The following PCOLCE2 variants were observed in gnomAD, a reference collection of about 807,000 sequenced individuals.
PCOLCE2 encodes the protein procollagen C-endopeptidase enhancer 2.
In PCOLCE2, 42 loss-of-function variants were observed where a neutral mutation model predicts 47.0. The ratio of observed to expected loss-of-function variants is 0.89; its 90% CI spans 0.70 to 1.16. The LOEUF (loss-of-function observed/expected upper bound fraction) is 1.16, where lower values mean the gene tolerates loss of function less well. PCOLCE2 is among the 50% of genes most tolerant of loss of function. PCOLCE2 has a pLI of 0.00. For synonymous variants in PCOLCE2, 169 were observed against 191.7 expected, an observed-to-expected ratio of 0.88 and a Z score of 0.98; for missense variants, 500 against 526.1, an observed-to-expected ratio of 0.95 and a Z score of 0.49.
chr3:142,885,333 C>T (rs1933700847), intron 2 of PCOLCE2, among the ~76,000 whole-genome samples: 1 of 152,186 alleles, frequency 6.6e-6, no homozygotes, highest in Non-Finnish European at 1.5e-5. Context: ...GTTTAAGGAC[C>T]ACTCTGAGGC....
chr3:142,823,181 A>G (rs140683145), intron 7 of PCOLCE2, among the ~76,000 whole-genome samples: 37 of 151,238 alleles, frequency 2.4e-4, no homozygotes, highest in African/African-American at 8.6e-4. Flanking sequence ...TAATTTACTT[A>G]AGTTGAGTTA....
At chr3:142,833,960 C>T (rs1937178063) in intron 5 of PCOLCE2, among the ~76,000 whole-genome samples, 1 of 152,156 alleles carries the variant, frequency 6.6e-6, no homozygotes, top group South Asian at 2.1e-4. Context: ...TCTAATCCAT[C>T]TGTCATTGAT....
At chr3:142,819,051 T>C (rs181516712) in intron 8 of PCOLCE2, among the ~76,000 whole-genome samples, 2 of 152,254 alleles carry the variant, frequency 1.3e-5, no homozygotes, top group East Asian at 1.9e-4. Context: ...CTCTCTTATG[T>C]TGCTGTTGTC....
intron 2 of PCOLCE2, among the ~76,000 whole-genome samples, chr3:142,868,625 A>G (rs1933327050): frequency 6.6e-6 from 1 of 152,084 alleles, no homozygotes; most frequent in Admixed American, 6.5e-5. Context: ...TCCACCTTGC[A>G]TAACCATTTT....
intron 8 of PCOLCE2, among the ~76,000 whole-genome samples, chr3:142,819,813 ATT>A (rs2108181520): frequency 6.6e-6 from 1 of 151,940 alleles, no homozygotes; most frequent in East Asian, 1.9e-4. Context: ...ACCCGGCTAA[ATT>A]TTTTTATTTT....
Position 142,833,159 on chromosome 3 carries a change from G to T in PCOLCE2, c.711-3313C>A, listed in dbSNP as rs150052613. ...CTACATGTTTTTAAACGTCATAAAT[G>T]AAAGGGTACAGTGTGCATTTTTTTT... is the stretch of plus-strand genomic sequence containing the variant. On this transcript the variant is annotated intron_variant, in intron 5 of 8. Transcript: ENST00000295992. Among the ~76,000 whole-genome samples the T allele has an allele frequency of 6.7e-3, 1,011 of 152,018 alleles. 8 individuals are homozygous for T. The highest frequency in any genetic ancestry group is 0.023 in the African/African-American group (959 of 41,454).
chr3:142,848,052 C>T (rs574198795), intron 3 of PCOLCE2, among the ~76,000 whole-genome samples, 165 bp downstream of exon 3: 1 of 152,294 alleles, frequency 6.6e-6, no homozygotes, highest in Admixed American at 6.5e-5. Context: ...TGCATGTGGA[C>T]TTAAATTAAA....
intron 2 of PCOLCE2, among the ~76,000 whole-genome samples, chr3:142,873,004 T>A (rs1320066009): frequency 6.6e-6 from 1 of 152,248 alleles, no homozygotes; most frequent in African/African-American, 2.4e-5. Flanking sequence ...GTTAGTTCAA[T>A]ATTCAATTCT....
At position 142,857,052 on chromosome 3, in the gene PCOLCE2, A is replaced by G. The variant is rs551601310; in HGVS notation, c.193-8580T>C. Among the ~76,000 whole-genome samples the G allele has an allele frequency of 2.7e-5, 4 of 148,540 alleles. No homozygotes were observed. The East Asian group carries it at 5.8e-4, about 22-fold the overall frequency. The stretch of plus-strand genomic sequence containing the variant: ...GCATCCAGGATATTCTATATACTCT[A>G]TAGTAAGTAAGAGTCTCCATTTCCC... On this transcript the variant is annotated intron_variant, in intron 2 of 8. Coordinates refer to ENST00000295992, the MANE Select transcript of PCOLCE2 (RefSeq NM_013363.4).
At chr3:142,863,682 T>C (rs905639328) in intron 2 of PCOLCE2, among the ~76,000 whole-genome samples, 2 of 152,130 alleles carry the variant, frequency 1.3e-5, no homozygotes, top group African/African-American at 2.4e-5. Context: ...GGGATGGTGG[T>C]TAGGTGCATC....
chr3:142,885,916 C>T (rs761957983), intron 2 of PCOLCE2, among the ~76,000 whole-genome samples: 36 of 152,244 alleles, frequency 2.4e-4, no homozygotes, highest in Non-Finnish European at 4.4e-4. Context: ...GCCACTCCAA[C>T]CTCCTTAATT....
intron 2 of PCOLCE2, among the ~76,000 whole-genome samples, chr3:142,862,002 C>G (rs528851219): frequency 6.6e-6 from 1 of 152,312 alleles, no homozygotes; most frequent in South Asian, 2.1e-4. Context: ...CATTCTAGTA[C>G]ACAGACTGTA....
chr3:142,874,831 G>A (rs1933465535), intron 2 of PCOLCE2, among the ~76,000 whole-genome samples: 1 of 152,200 alleles, frequency 6.6e-6, no homozygotes, highest in Non-Finnish European at 1.5e-5. Flanking sequence ...AGGGTGATAA[G>A]TGCTATAATA....
intron 2 of PCOLCE2, among the ~76,000 whole-genome samples, chr3:142,867,004 C>A (rs1933297372): frequency 6.6e-6 from 1 of 152,196 alleles, no homozygotes; most frequent in African/African-American, 2.4e-5. Context: ...ATCATGGCAA[C>A]CAGCCAGGTA....
chr3:142,881,577 T>C (rs1332213271), intron 2 of PCOLCE2, among the ~76,000 whole-genome samples: 2 of 152,174 alleles, frequency 1.3e-5, no homozygotes, highest in East Asian at 1.9e-4. Flanking sequence ...CTAGGCTATA[T>C]AGTATAGCCT....
intron 7 of PCOLCE2, among the ~76,000 whole-genome samples, chr3:142,821,358 GA>G (rs1209333449): frequency 1.3e-5 from 2 of 152,156 alleles, no homozygotes; most frequent in Non-Finnish European, 2.9e-5. Flanking sequence ...TCACATAGGG[GA>G]TAGTCTGGCT....
intron 2 of PCOLCE2, among the ~76,000 whole-genome samples, chr3:142,869,773 G>A (rs1221580342): frequency 3.3e-5 from 5 of 152,224 alleles, no homozygotes; most frequent in Admixed American, 2.6e-4. Context: ...AAGTTTTCCC[G>A]CCTTTCTGGA....
rs187939085 is a variant in PCOLCE2, at chr3:142,849,101, C to T, written c.193-629G>A. ...CCGGGAGGCGGAGCTTGCAGTGAGC[C>T]GAGATCGCGCCACTGCACTCCAGCC... On this transcript the variant is annotated intron_variant, in intron 2 of 8. Transcript: ENST00000295992. Among the ~76,000 whole-genome samples, 843 of 151,630 alleles carry T rather than the reference C, an allele frequency of 5.6e-3. 7 individuals are homozygous for T. Among genetic ancestry groups the T allele is most frequent in the African/African-American group, 0.019 (785 of 41,298 alleles).
At chr3:142,877,562 C>T (rs1387612552) in intron 2 of PCOLCE2, among the ~76,000 whole-genome samples, 1 of 152,222 alleles carries the variant, frequency 6.6e-6, no homozygotes, top group Non-Finnish European at 1.5e-5. Flanking sequence ...TCATCTACTG[C>T]CTCCTTCAGT....
Sources: gnomAD v4.1 joint callset for allele counts (sites outside exome capture counted in the v4.1 genomes callset) on GRCh38, gnomAD v4.1.1 for gene constraint, MANE v1.5 for transcripts, NCBI Gene and HGNC (gene_info 2026-07-23, HGNC 2026-07-21) for gene names.